ZHX2: variants seen among roughly 807,000 people sequenced by gnomAD.
ZHX2 encodes zinc fingers and homeoboxes protein 2.
ZHX2 carries 6 observed loss-of-function variants against 21.9 expected under a neutral mutation model. The ratio of observed to expected loss-of-function variants is 0.27; its 90% CI spans 0.15 to 0.54. ZHX2 has a LOEUF of 0.54. ZHX2 is among the 20% of genes least tolerant of loss of function. ZHX2 has a pLI of 0.95. For synonymous variants in ZHX2, 434 were observed against 437.1 expected (o/e 0.99, Z 0.09); for missense variants, 908 against 1,090.7 (o/e 0.83, Z 2.36).
At chr8:122,915,083 G>A (rs529098716) in intron 2 of ZHX2, among the ~76,000 whole-genome samples, 95 of 152,242 alleles carry the variant, frequency 6.2e-4, no homozygotes, top group Non-Finnish European at 1.2e-3. Flanking sequence ...TCATCTTGGA[G>A]TTCTAGGGGG....
In ZHX2 at chr8:122,868,618, G is replaced by A. The variant is rs191989253; in HGVS notation, c.-220+5079G>A. 2.8e-3 allele frequency among the ~76,000 whole-genome samples: 418 copies of A among 151,340 alleles called. 1 individual carries two copies. The highest frequency in any genetic ancestry group is 4.8e-3 in the Non-Finnish European group (327 of 67,904). On this transcript the variant is annotated intron_variant, in intron 2 of 3. Coordinates refer to ENST00000314393, the MANE Select transcript of ZHX2 (RefSeq NM_014943.5). ...TGGGAGGCTGAGGCAGGAGAATGGC[G>A]AGAACCCGGGAGGCGGAGCTTACAG...
In ZHX2 at chr8:122,890,567, T is replaced by TA. The variant is rs1257662119; in HGVS notation, c.-220+27029dup. Reference sequence around the variant, plus strand: ...TTATATAGTATGGTCATTTTAACAATACTAATTCTTCTAATCCATGAATAT... The same window carrying TA: ...TTATATAGTATGGTCATTTTAACAATAACTAATTCTTCTAATCCATGAATAT... On this transcript the variant is annotated intron_variant, in intron 2 of 3. Coordinates refer to ENST00000314393, the MANE Select transcript of ZHX2 (RefSeq NM_014943.5). Among the ~76,000 whole-genome samples the TA allele has an allele frequency of 3.9e-5, 6 of 152,302 alleles. 1 individual carries two copies. Among genetic ancestry groups the TA allele is most frequent in the African/African-American group, 1.2e-4 (5 of 41,580 alleles).
intron 2 of ZHX2, among the ~76,000 whole-genome samples, chr8:122,927,414 GA>G (rs1820884812): frequency 1.3e-5 from 2 of 152,328 alleles, no homozygotes; most frequent in African/African-American, 4.8e-5. Flanking sequence ...AGAATCACTT[GA>G]ACCCGGGAGG....
At chr8:122,927,418 C>T (rs1487458836) in intron 2 of ZHX2, among the ~76,000 whole-genome samples, 2 of 152,138 alleles carry the variant, frequency 1.3e-5, no homozygotes, top group Admixed American at 1.3e-4. Context: ...TCACTTGAAC[C>T]CGGGAGGCAG....
intron 2 of ZHX2, among the ~76,000 whole-genome samples, chr8:122,949,090 C>G (rs1462266500): frequency 6.6e-6 from 1 of 151,452 alleles, no homozygotes; most frequent in African/African-American, 2.4e-5. Flanking sequence ...TTTGGGAGGC[C>G]AAGGCAGGCA....
At chr8:122,889,666 C>T (rs998124173) in intron 2 of ZHX2, among the ~76,000 whole-genome samples, 2 of 152,180 alleles carry the variant, frequency 1.3e-5, no homozygotes, top group African/African-American at 4.8e-5. Context: ...CCTTGAACAA[C>T]ACGGGTTTGA....
intron 2 of ZHX2, among the ~76,000 whole-genome samples, chr8:122,884,050 G>A (rs969615144): frequency 1.3e-5 from 2 of 152,208 alleles, no homozygotes; most frequent in Non-Finnish European, 2.9e-5. Context: ...CCTAGGCTGG[G>A]CGGTAGAGCC....
chr8:122,808,572 G>A (rs1817865949), intron 1 of ZHX2, among the ~76,000 whole-genome samples: 1 of 152,138 alleles, frequency 6.6e-6, no homozygotes, highest in East Asian at 1.9e-4. Flanking sequence ...TGGGAATTAT[G>A]GAAACTACAA....
intron 1 of ZHX2, among the ~76,000 whole-genome samples, chr8:122,825,132 A>G (rs1460327222): frequency 6.6e-6 from 1 of 152,162 alleles, no homozygotes; most frequent in African/African-American, 2.4e-5. Context: ...ACATAACTGC[A>G]AGTTCTGGAG....
At chr8:122,892,776 C>A (rs1820012955) in intron 2 of ZHX2, among the ~76,000 whole-genome samples, 1 of 152,142 alleles carries the variant, frequency 6.6e-6, no homozygotes, top group African/African-American at 2.4e-5. Context: ...CCTCTGTCTC[C>A]CAGGTTCATG....
chr8:122,795,899 G>A (rs1028506913), intron 1 of ZHX2, among the ~76,000 whole-genome samples: 4 of 152,162 alleles, frequency 2.6e-5, no homozygotes, highest in Non-Finnish European at 4.4e-5. Context: ...GGCCAGGCGC[G>A]ATGGCTCACG....
intron 2 of ZHX2, among the ~76,000 whole-genome samples, chr8:122,894,106 T>C (rs1820041246): frequency 6.6e-6 from 1 of 152,246 alleles, no homozygotes; most frequent in Non-Finnish European, 1.5e-5. Flanking sequence ...ACAAGTGCTT[T>C]AGTGGCCTAG....
At chr8:122,944,333 A>G (rs1187645105) in intron 2 of ZHX2, among the ~76,000 whole-genome samples, 1 of 152,172 alleles carries the variant, frequency 6.6e-6, no homozygotes, top group Admixed American at 6.5e-5. Context: ...CCAAGAAAGC[A>G]TGGAGAATTT....
At chr8:122,848,196 G>A (rs1252434526) in intron 1 of ZHX2, among the ~76,000 whole-genome samples, 3 of 152,156 alleles carry the variant, frequency 2.0e-5, no homozygotes, top group Non-Finnish European at 2.9e-5. Flanking sequence ...GAGAGACAGC[G>A]AGTGTGTTGT....
Position 122,967,315 on chromosome 8 carries a change from T to G in ZHX2, c.*5-5927T>G, listed in dbSNP as rs147572814. Among the ~76,000 whole-genome samples the G allele has an allele frequency of 7.2e-4, 110 of 152,342 alleles. No homozygotes were observed. In the East Asian group the frequency reaches 0.019, roughly 27 times the overall value. On this transcript the variant is annotated intron_variant, in intron 3 of 3. Coordinates refer to ENST00000314393, the MANE Select transcript of ZHX2 (RefSeq NM_014943.5). The stretch of plus-strand genomic sequence containing the variant: ...ACATCTGGAACTCAAGGGCTGCTGT[T>G]CAGGTTCTTTTGTCCCATGGGGTGA...
chr8:122,886,534 G>A (rs1210859605), intron 2 of ZHX2, among the ~76,000 whole-genome samples: 7 of 152,092 alleles, frequency 4.6e-5, no homozygotes, highest in Admixed American at 1.3e-4. Context: ...CCACCATGCC[G>A]GATATTCATA....
chr8:122,820,007 C>G (rs890985430), intron 1 of ZHX2, among the ~76,000 whole-genome samples: 42 of 152,136 alleles, frequency 2.8e-4, no homozygotes. Flanking sequence ...TTTCAGAGCT[C>G]TCAGGGGTTG....
intron 1 of ZHX2, among the ~76,000 whole-genome samples, chr8:122,863,120 G>A (rs1819206571): frequency 6.6e-6 from 1 of 152,082 alleles, no homozygotes; most frequent in Admixed American, 6.5e-5. Flanking sequence ...ATGAAGGGCC[G>A]CTGCCAGGAA....
intron 2 of ZHX2, among the ~76,000 whole-genome samples, chr8:122,864,364 C>T (rs955189661): frequency 6.6e-6 from 1 of 151,966 alleles, no homozygotes; most frequent in Non-Finnish European, 1.5e-5. Context: ...TCATGTCTCT[C>T]CTACGTTGTT....
Sources: allele counts gnomAD v4.1 joint callset (sites outside exome capture counted in the v4.1 genomes callset), GRCh38; gene constraint gnomAD v4.1.1; transcripts MANE v1.5; gene names NCBI Gene and HGNC (gene_info 2026-07-23, HGNC 2026-07-21).